Variants in MARK1 observed in about 807,000 individuals in gnomAD.
The protein encoded by MARK1 is serine/threonine-protein kinase MARK1.
MARK1 carries 40 observed loss-of-function variants against 96.3 expected under a neutral mutation model. The observed-to-expected ratio is 0.42, with a 90% CI of 0.32 to 0.54. The LOEUF (loss-of-function observed/expected upper bound fraction) is 0.54. MARK1 is among the 20% of genes least tolerant of loss of function. The probability of loss-of-function intolerance (pLI) is 0.16; values close to 1 mark genes in which losing one functional copy is unlikely to be tolerated. For synonymous variants in MARK1, 317 were observed against 341.2 expected, an observed-to-expected ratio of 0.93 and a Z score of 0.78; for missense variants, 719 against 984.6, an observed-to-expected ratio of 0.73 and a Z score of 3.61.
At chr1:220,650,822 T>C in intron 14 of MARK1, 102 bp downstream of exon 14, 1 of 729,288 alleles carries the variant, frequency 1.4e-6, no homozygotes, top group Non-Finnish European at 2.4e-6. Flanking sequence ...AAAGCAGTTA[T>C]TACATGAAAT....
intron 1 of MARK1, among the ~76,000 whole-genome samples, chr1:220,550,717 G>T (rs1233922380): frequency 6.6e-6 from 1 of 152,094 alleles, no homozygotes; most frequent in East Asian, 1.9e-4. Flanking sequence ...GTAATGCTTG[G>T]TATTTTTTTA....
intron 6 of MARK1, among the ~76,000 whole-genome samples, chr1:220,613,160 G>A (rs1023904272): frequency 2.0e-5 from 3 of 152,164 alleles, no homozygotes; most frequent in African/African-American, 7.2e-5. Context: ...GAGATGGGAA[G>A]GTCTAGCTGT....
At chr1:220,570,350 ACTTTATTGAT>A (rs1335498610) in intron 1 of MARK1, among the ~76,000 whole-genome samples, 1 of 152,134 alleles carries the variant, frequency 6.6e-6, no homozygotes, top group Admixed American at 6.6e-5. Flanking sequence ...TCCGAAAGAT[ACTTTATTGAT>A]TTACTTGGAT....
intron 1 of MARK1, among the ~76,000 whole-genome samples, chr1:220,573,797 ATGTAGTATATATGTAGTATATAT>A (rs1360889593): frequency 0.018 from 541 of 29,566 alleles, 5 homozygotes; most frequent in African/African-American, 0.03. Context: ...ATTGTAGTAT[ATGTAGTATATATGTAGTATATAT>A]TGTAGTATAT....
At chr1:220,653,396 A>G (rs1050461947) in intron 16 of MARK1, 44 bp downstream of exon 16, 1 of 1,575,708 alleles carries the variant, frequency 6.3e-7, no homozygotes. Context: ...TCTAGAAATT[A>G]TAAAGGAAAC....
chr1:220,532,014 T>A (rs12074437), intron 1 of MARK1, among the ~76,000 whole-genome samples: 8,555 of 152,138 alleles, frequency 0.056, 763 homozygotes, highest in African/African-American at 0.19. Flanking sequence ...GAAAAAAAAT[T>A]TAGTATTTGG....
At chr1:220,539,860 G>T (rs1020724423) in intron 1 of MARK1, among the ~76,000 whole-genome samples, 17 of 151,630 alleles carry the variant, frequency 1.1e-4, no homozygotes, top group South Asian at 2.1e-4. Flanking sequence ...ACTTTTTCTG[G>T]TTTTTTATCA....
chr1:220,536,051 A>G (rs182509438), intron 1 of MARK1, among the ~76,000 whole-genome samples: 1 of 152,058 alleles, frequency 6.6e-6, no homozygotes, highest in African/African-American at 2.4e-5. Context: ...AAATGCCATT[A>G]GGTTAGTTCT....
At chr1:220,530,441 A>G (rs1351422679) in intron 1 of MARK1, among the ~76,000 whole-genome samples, 3 of 152,214 alleles carry the variant, frequency 2.0e-5, no homozygotes, top group Non-Finnish European at 4.4e-5. Flanking sequence ...CTGTCATTCA[A>G]GAGTGTGAAT....
At chr1:220,616,288 G>C (rs1164537853) in intron 7 of MARK1, among the ~76,000 whole-genome samples, 1 of 152,130 alleles carries the variant, frequency 6.6e-6, no homozygotes, top group East Asian at 1.9e-4. Context: ...AAAAGTGTGG[G>C]ACCTCAGGCA....
chr1:220,531,820 A>AAAATGTGTTGCAGAT (rs1660336921), intron 1 of MARK1, among the ~76,000 whole-genome samples: 1 of 152,206 alleles, frequency 6.6e-6, no homozygotes, highest in Non-Finnish European at 1.5e-5. Context: ...TAAAGTAAAA[A>AAAATGTGTTGCAGAT]AAATGTGTTG....
At chr1:220,605,804 G>A (rs1243560311) in intron 6 of MARK1, among the ~76,000 whole-genome samples, 4 of 151,918 alleles carry the variant, frequency 2.6e-5, no homozygotes, top group African/African-American at 7.3e-5. Flanking sequence ...TGAGAATGAC[G>A]GTTTCCAGCT....
intron 6 of MARK1, among the ~76,000 whole-genome samples, chr1:220,606,332 G>A (rs1666078609): frequency 6.6e-6 from 1 of 151,090 alleles, no homozygotes; most frequent in South Asian, 2.1e-4. Flanking sequence ...GTTTTGAGAA[G>A]TGTCTGTTCA....
At chr1:220,616,100 G>C in intron 7 of MARK1, 105 bp downstream of exon 7, 1 of 534,888 alleles carries the variant, frequency 1.9e-6, no homozygotes, top group Non-Finnish European at 3.2e-6. Flanking sequence ...TGTGCTGCTG[G>C]ACACTATACA....
chr1:220,553,459 T>C (rs1223846578), intron 1 of MARK1, among the ~76,000 whole-genome samples: 1 of 152,182 alleles, frequency 6.6e-6, no homozygotes, highest in Non-Finnish European at 1.5e-5. Context: ...GAGGCCATAC[T>C]TGTTGATTTA....
At chr1:220,655,743 T>C (rs907465329) in intron 16 of MARK1, among the ~76,000 whole-genome samples, 1 of 152,222 alleles carries the variant, frequency 6.6e-6, no homozygotes, top group Admixed American at 6.5e-5. Flanking sequence ...CAGTGTCATG[T>C]CAAGTCTGAT....
intron 3 of MARK1, among the ~76,000 whole-genome samples, chr1:220,586,881 T>C (rs1025695652): frequency 9.2e-5 from 14 of 152,228 alleles, no homozygotes; most frequent in African/African-American, 3.4e-4. Context: ...AATAAACTAG[T>C]CTATTTTTAA....
rs1306547664 is a variant in MARK1 at position 220,627,105 on chromosome 1, G to A, written c.910-3930G>A. 3 of 513,352 alleles carry A rather than the reference G, an allele frequency of 5.8e-6. No homozygotes were observed. In the African/African-American group the frequency reaches 5.9e-5, roughly 10 times the overall value. 31.8% of individuals were successfully genotyped at this position (513,352 alleles called of 1,614,324 possible). ...TGGAGAAGATAAACAGCGACTGTTTGAGAACCTGAGAATGCTGCCCCACAA... is the reference window on the plus strand; with the variant it reads ...TGGAGAAGATAAACAGCGACTGTTTAAGAACCTGAGAATGCTGCCCCACAA... On this transcript the variant is annotated intron_variant, in intron 9 of 17. Coordinates refer to ENST00000366917, the MANE Select transcript of MARK1 (RefSeq NM_018650.5).
chr1:220,649,622 T>G (rs547563145), intron 13 of MARK1, among the ~76,000 whole-genome samples: 1 of 152,326 alleles, frequency 6.6e-6, no homozygotes, highest in East Asian at 1.9e-4. Context: ...TTTATATAAC[T>G]GGTGACAAAA....
Sources: allele counts gnomAD v4.1 joint callset (sites outside exome capture counted in the v4.1 genomes callset), GRCh38; gene constraint gnomAD v4.1.1; transcripts MANE v1.5; gene names NCBI Gene and HGNC (gene_info 2026-07-23, HGNC 2026-07-21).